The following PLCXD2 variants were observed in gnomAD, a reference collection of about 807,000 sequenced individuals.
PLCXD2 encodes the protein phosphatidylinositol specific phospholipase C X domain containing 2.
In PLCXD2, 21 loss-of-function variants were observed where a neutral mutation model predicts 28.6. The ratio of observed to expected loss-of-function variants is 0.73; its 90% CI spans 0.52 to 1.06. The LOEUF is 1.06. Ranked by LOEUF, PLCXD2 falls within the 50% of genes least tolerant of loss-of-function variation. The pLI is 0.00. For missense variants in PLCXD2, 369 were observed against 376.7 expected (o/e 0.98, Z 0.17); for synonymous variants, 140 against 150.1 (o/e 0.93, Z 0.49).
At chr3:111,719,342 T>C (rs1941315057) in intron 3 of PLCXD2, among the ~76,000 whole-genome samples, 1 of 152,118 alleles carries the variant, frequency 6.6e-6, no homozygotes. Flanking sequence ...ACAAAATATA[T>C]CTGACAGAAG....
At chr3:111,682,536 A>T (rs546952977) in intron 1 of PLCXD2, among the ~76,000 whole-genome samples, 3 of 152,362 alleles carry the variant, frequency 2.0e-5, no homozygotes, top group Non-Finnish European at 2.9e-5. Context: ...AGGAAAAAAT[A>T]GTACACATTT....
At chr3:111,698,402 C>G (rs1289694373) in intron 1 of PLCXD2, among the ~76,000 whole-genome samples, 1 of 152,216 alleles carries the variant, frequency 6.6e-6, no homozygotes, top group East Asian at 1.9e-4. Context: ...ACTGCGGGGA[C>G]ACTCCATTTA....
intron 1 of PLCXD2, among the ~76,000 whole-genome samples, chr3:111,697,894 T>C (rs1479710108): frequency 1.3e-5 from 2 of 152,190 alleles, no homozygotes; most frequent in East Asian, 1.9e-4. Flanking sequence ...ATTAATAATT[T>C]ATAATTTTAG....
intron 1 of PLCXD2, among the ~76,000 whole-genome samples, chr3:111,689,724 T>C (rs571129255): frequency 6.6e-6 from 1 of 152,296 alleles, no homozygotes; most frequent in East Asian, 1.9e-4. Flanking sequence ...AAAGATGGAA[T>C]CTTGAAATAT....
chr3:111,685,921 C>G (rs942692963), intron 1 of PLCXD2, among the ~76,000 whole-genome samples: 1 of 152,174 alleles, frequency 6.6e-6, no homozygotes, highest in Non-Finnish European at 1.5e-5. Flanking sequence ...ATGCTCCCCC[C>G]CACAACATGG....
intron 2 of PLCXD2, among the ~76,000 whole-genome samples, chr3:111,713,635 G>A (rs558419777): frequency 3.4e-4 from 51 of 152,170 alleles, no homozygotes; most frequent in Admixed American, 2.0e-4. Context: ...TCTGAGAAGG[G>A]GGTCCATGAT....
rs180927625 is a variant in PLCXD2, at chr3:111,685,709, G to A, written c.163+10301G>A. 7.4e-4 allele frequency among the ~76,000 whole-genome samples: 113 copies of A among 152,324 alleles called. 1 individual carries two copies. The highest frequency in any genetic ancestry group is 4.1e-4 in the Non-Finnish European group (28 of 68,030). On this transcript the variant is annotated intron_variant, in intron 1 of 4. Transcript: ENST00000477665. Reference sequence around the variant, plus strand: ...ATTAGGGAATGACCAAGTGCCCCTTGCAAGGGGTTACTTCACAAAAAGATG... The same window carrying A: ...ATTAGGGAATGACCAAGTGCCCCTTACAAGGGGTTACTTCACAAAAAGATG...
At chr3:111,691,961 G>T (rs1244683388) in intron 1 of PLCXD2, among the ~76,000 whole-genome samples, 1 of 152,204 alleles carries the variant, frequency 6.6e-6, no homozygotes, top group East Asian at 1.9e-4. Context: ...TCAGGCAAGA[G>T]CCCCCACCAG....
At chr3:111,713,393 C>T (rs1431128806) in intron 2 of PLCXD2, among the ~76,000 whole-genome samples, 1 of 152,218 alleles carries the variant, frequency 6.6e-6, no homozygotes, top group Non-Finnish European at 1.5e-5. Context: ...CTAGATGCGT[C>T]CATCTCACAT....
rs776037951 is a variant in PLCXD2 at position 111,714,006 on chromosome 3, G to A, written c.744G>A (p.Glu248=). The change falls in exon 3 of 5, where the codon GAG becomes GAA. Residue 248 remains glutamate, a synonymous_variant. Transcript: ENST00000477665. ...TGCGCAAACTAATCCTCTTCTTGGA[G>A]ACCACTCTGAGTGAGCGGGCCTCAC... 9 of 1,614,006 alleles carry A rather than the reference G, an allele frequency of 5.6e-6. No homozygotes were observed. Among genetic ancestry groups the A allele is most frequent in the Non-Finnish European group, 7.6e-6 (9 of 1,180,040 alleles).
At chr3:111,707,045 C>T (rs1222036991) in intron 1 of PLCXD2, among the ~76,000 whole-genome samples, 5 of 152,168 alleles carry the variant, frequency 3.3e-5, no homozygotes, top group Admixed American at 6.5e-5. Flanking sequence ...AACAAAGAAA[C>T]ATCAGACTTA....
intron 3 of PLCXD2, among the ~76,000 whole-genome samples, chr3:111,714,725 A>G (rs888045937): frequency 2.0e-5 from 3 of 152,200 alleles, no homozygotes; most frequent in African/African-American, 7.2e-5. Context: ...TGAATGATAG[A>G]TGTTCTCAAG....
At position 111,722,905 on chromosome 3, in the gene PLCXD2, G is replaced by C. The variant is rs558448746; in HGVS notation, c.866+8777G>C. 7.9e-5 allele frequency: 12 copies of C among 152,314 alleles called. No individual in the cohort carries two copies. The East Asian group carries it at 2.3e-3, about 29-fold the overall frequency. The allele number at this position is 152,314 out of a possible 1,614,324, so 9.4% of individuals were successfully genotyped here. A position where few individuals can be genotyped will look rare whatever the true frequency, so the allele number is the denominator to read the frequency against. On this transcript the variant is annotated intron_variant, in intron 3 of 4. Transcript: ENST00000477665. ...AATAGAAATGCCTCTGGGAAAATCT[G>C]GTTGAACTTTCCTTTTTTTGCATTT...
chr3:111,698,666 C>T (rs1314337737), intron 1 of PLCXD2, among the ~76,000 whole-genome samples: 2 of 152,192 alleles, frequency 1.3e-5, no homozygotes, highest in African/African-American at 2.4e-5. Flanking sequence ...CCTTCCAGTA[C>T]TGGGTCACCT....
At chr3:111,719,956 T>C (rs1941323471) in intron 3 of PLCXD2, among the ~76,000 whole-genome samples, 1 of 152,206 alleles carries the variant, frequency 6.6e-6, no homozygotes. Flanking sequence ...ATATGCATGC[T>C]GAAGTACTTA....
chr3:111,701,083 C>G (rs1941035763), intron 1 of PLCXD2, among the ~76,000 whole-genome samples: 1 of 152,160 alleles, frequency 6.6e-6, no homozygotes, highest in Non-Finnish European at 1.5e-5. Context: ...ATAAAATCTT[C>G]TAGACCATCA....
Position 111,699,777 on chromosome 3 carries a change from A to G in PLCXD2, c.164-8149A>G, listed in dbSNP as rs796373132. On this transcript the variant is annotated intron_variant, in intron 1 of 4. Coordinates refer to ENST00000477665, the MANE Select transcript of PLCXD2 (RefSeq NM_001185106.1). ...CTTAAGTAACCTAATCTAATCACATACTAGGAGGCATGATAAGGAAACCAA... is the reference window on the plus strand; with the variant it reads ...CTTAAGTAACCTAATCTAATCACATGCTAGGAGGCATGATAAGGAAACCAA... Among the ~76,000 whole-genome samples the G allele has an allele frequency of 6.3e-4, 96 of 152,272 alleles. 1 individual carries two copies. Among genetic ancestry groups the G allele is most frequent in the African/African-American group, 2.2e-3 (90 of 41,552 alleles).
At chr3:111,694,915 G>T (rs1258551475) in intron 1 of PLCXD2, among the ~76,000 whole-genome samples, 1 of 152,148 alleles carries the variant, frequency 6.6e-6, no homozygotes, top group Admixed American at 6.5e-5. Flanking sequence ...TGTATTGCCT[G>T]TATGCATATT....
intron 1 of PLCXD2, among the ~76,000 whole-genome samples, chr3:111,687,518 C>A (rs1391832677): frequency 6.6e-6 from 1 of 152,080 alleles, no homozygotes; most frequent in East Asian, 1.9e-4. Flanking sequence ...TTTTAACATG[C>A]ACAATTATTA....
Sources: gnomAD v4.1 joint callset for allele counts (sites outside exome capture counted in the v4.1 genomes callset) on GRCh38, gnomAD v4.1.1 for gene constraint, MANE v1.5 for transcripts, NCBI Gene and HGNC (gene_info 2026-07-23, HGNC 2026-07-21) for gene names.